PPP1CC: variants seen among roughly 807,000 people sequenced by gnomAD.
PPP1CC encodes the protein protein phosphatase 1 catalytic subunit gamma, also known as serine/threonine-protein phosphatase PP1-gamma catalytic subunit.
Under a neutral mutation model 38.4 loss-of-function variants are expected in PPP1CC, and 16 were observed. The observed-to-expected ratio is 0.42, with a 90% CI of 0.28 to 0.63. The LOEUF (loss-of-function observed/expected upper bound fraction) is 0.63, where lower values mean the gene tolerates loss of function less well. Among genes scored for constraint, PPP1CC ranks in the 30% least tolerant of loss-of-function variants. The pLI is 0.25. For synonymous variants in PPP1CC, 158 were observed against 136.0 expected (o/e 1.16, Z -1.13); for missense variants, 170 against 391.3 (o/e 0.43, Z 4.77).
intron 4 of PPP1CC, among the ~76,000 whole-genome samples, chr12:110,724,124 G>C (rs1025391704): frequency 1.3e-5 from 2 of 152,106 alleles, no homozygotes; most frequent in African/African-American, 4.8e-5. Context: ...TGCAGTCCCA[G>C]CTACTCAGGA....
chr12:110,730,479 T>C (rs990335019), intron 3 of PPP1CC, 50 bp downstream of exon 3: 7 of 1,355,082 alleles, frequency 5.2e-6, no homozygotes, highest in Middle Eastern at 2.2e-4. Context: ...TTGTTTATGA[T>C]AAATATCTTA....
rs1005251244 is a variant in PPP1CC, at chr12:110,721,130, G to A, written c.918C>T (p.Ala306=). The change falls in exon 7 of 7, where the codon GCC becomes GCT. Residue 306 remains alanine (A), a synonymous_variant. Transcript: ENST00000335007. ...CCCTTGGAGGCGTTACAGGTCTCGT[G>A]GCATTTGGCTTCTTTTTCTCTGCAG... ...LKPAEKKKPN[A]TRPVTPPRGM... The A allele has an allele frequency of 6.2e-7, 1 of 1,613,866 alleles. No homozygotes were observed. The highest frequency in any genetic ancestry group is 8.5e-7 in the Non-Finnish European group (1 of 1,179,822).
intron 1 of PPP1CC, among the ~76,000 whole-genome samples, chr12:110,733,932 A>T (rs1279327623): frequency 3.3e-5 from 5 of 152,222 alleles, no homozygotes; most frequent in Non-Finnish European, 5.9e-5. Flanking sequence ...AAAGTTATAT[A>T]AAGATAGAAA....
At position 110,742,788 on chromosome 12, in the gene PPP1CC, G is replaced by C. The variant is rs2070034423; in HGVS notation, c.-81C>G. 18 of 1,171,190 alleles carry C rather than the reference G, an allele frequency of 1.5e-5. No individual in the cohort carries two copies. Among genetic ancestry groups the C allele is most frequent in the Non-Finnish European group, 1.8e-5 (16 of 905,222 alleles). The allele number at this position is 1,171,190 out of a possible 1,614,324, so 72.5% of individuals were successfully genotyped here. On this transcript the variant is annotated 5_prime_UTR_variant, in exon 1 of 7. Coordinates refer to ENST00000335007, the MANE Select transcript of PPP1CC (RefSeq NM_002710.4). ...ACTCACACCTCCTTTCCCACGCCAC[G>C]AGCAGAGGCGGTGGTGGCGGCGGTG...
In PPP1CC at chr12:110,721,073, C is replaced by G. The variant is rs201899408; in HGVS notation, c.*3G>C. 2.2e-5 allele frequency: 36 copies of G among 1,613,456 alleles called. No individual in the cohort carries two copies. Among genetic ancestry groups the G allele is most frequent in the Non-Finnish European group, 3.1e-5 (36 of 1,179,410 alleles). ...TCCCGACTAGGCAGTGTCAAAACGA[C>G]ATCTATTTCTTTGCTTGCTTTGTGA... On this transcript the variant is annotated 3_prime_UTR_variant, in exon 7 of 7. Transcript: ENST00000335007.
Position 110,731,918 on chromosome 12 carries a change from G to A in PPP1CC, c.56-17C>T, listed in dbSNP as rs370380512. 2.9e-5 allele frequency: 47 copies of A among 1,609,136 alleles called. No individual in the cohort carries two copies. The highest frequency in any genetic ancestry group is 3.7e-5 in the Non-Finnish European group (44 of 1,176,642). On this transcript the variant is annotated splice_polypyrimidine_tract_variant and intron_variant, in intron 1 of 6. Transcript: ENST00000335007. ...ACCCTCTCACTGCAAGAGAAAAATC[G>A]CAATTAGTCCAATGAAGCCAAAATA...
Position 110,719,983 on chromosome 12 carries a change from T to A in PPP1CC, c.*1093A>T. ...GTACACGGTCATCTGTTGAAACAGATTTCTTTTTTAACAGATCTTAGTTTA... is the reference window on the plus strand; with the variant it reads ...GTACACGGTCATCTGTTGAAACAGAATTCTTTTTTAACAGATCTTAGTTTA... On this transcript the variant is annotated 3_prime_UTR_variant, in exon 7 of 7. Transcript: ENST00000335007. The A allele has an allele frequency of 3.1e-6, 2 of 637,028 alleles. No homozygotes were observed. Among genetic ancestry groups the A allele is most frequent in the Non-Finnish European group, 5.4e-6 (2 of 373,646 alleles). The allele number at this position is 637,028 out of a possible 1,614,324, so 39.5% of individuals were successfully genotyped here.
Position 110,730,770 on chromosome 12 carries a change from G to T in PPP1CC, c.188-11C>A, listed in dbSNP as rs753843993. The T allele has an allele frequency of 1.3e-6, 2 of 1,573,172 alleles. No homozygotes were observed. Among genetic ancestry groups the T allele is most frequent in the Admixed American group, 1.8e-5 (1 of 54,956 alleles). Reference sequence around the variant, plus strand: ...GTCCATGGATGTCACCTGGAAGCAAGAATTTTGTTACACAGTGTTCCCATA... The same window carrying T: ...GTCCATGGATGTCACCTGGAAGCAATAATTTTGTTACACAGTGTTCCCATA... On this transcript the variant is annotated splice_polypyrimidine_tract_variant and intron_variant, in intron 2 of 6. Transcript: ENST00000335007.
intron 4 of PPP1CC, among the ~76,000 whole-genome samples, chr12:110,723,636 A>G (rs1184105852): frequency 3.9e-5 from 6 of 152,070 alleles, no homozygotes; most frequent in African/African-American, 1.4e-4. Context: ...CAGCCTCCCA[A>G]ATAGCTACGG....
rs1415720952 is a variant in PPP1CC, at chr12:110,728,376, C to T, written c.418+2153G>A. On this transcript the variant is annotated intron_variant, in intron 3 of 6. Coordinates refer to ENST00000335007, the MANE Select transcript of PPP1CC (RefSeq NM_002710.4). ...ATCGCGCCCTGCACTCCAGCCTGGG[C>T]GACAGAGCGAGACTCCGTCTCAAAA... Among the ~76,000 whole-genome samples the T allele has an allele frequency of 4.3e-5, 6 of 140,326 alleles. No homozygotes were observed. The East Asian group carries it at 6.1e-4, about 14-fold the overall frequency. 92.1% of individuals were successfully genotyped at this position (140,326 alleles called of 152,430 possible).
chr12:110,712,724 T>C, the PPP1CC span, among the ~76,000 whole-genome samples: 5 of 150,034 alleles, frequency 3.3e-5, no homozygotes, highest in Admixed American at 6.7e-5. Context: ...GATGCTTTGT[T>C]CAAATCTGCA....
chr12:110,714,164 G>C, the PPP1CC span, among the ~76,000 whole-genome samples: 1 of 152,062 alleles, frequency 6.6e-6, no homozygotes, highest in Non-Finnish European at 1.5e-5. Flanking sequence ...CAAGATTATG[G>C]CTTCTAAAAA....
At position 110,724,728 on chromosome 12, in the gene PPP1CC, A is replaced by T. The variant is rs11558237; in HGVS notation, c.455T>A (p.Phe152Tyr). Residue 152 changes from phenylalanine (F) to tyrosine (Y), a missense_variant, in exon 4 of 7, where the codon TTC becomes TAC. Phe to Tyr is a conservative substitution (Grantham distance 22). Transcript: ENST00000335007. ...RRYNIKLWKTFTDCFNCLPIA... is the reference protein window; with the variant it reads ...RRYNIKLWKTYTDCFNCLPIA... ...CGGTAAACAGTTAAAACAGTCTGTG[A>T]AAGTTTTCCATAGTTTAATGTTGTA... The T allele has an allele frequency of 6.2e-7, 1 of 1,611,100 alleles. No homozygotes were observed. The highest frequency in any genetic ancestry group is 8.5e-7 in the Non-Finnish European group (1 of 1,177,324).
chr12:110,722,259 T>C lies in PPP1CC; in HGVS notation c.758A>G (p.Asp253Gly), dbSNP rs768613832. Reference sequence around the variant, plus strand: ...CCTCTTTGCAAAAAATTCATATCCATCTTCAACCACCTTGAAGAGAAAATT... The same window carrying C: ...CCTCTTTGCAAAAAATTCATATCCACCTTCAACCACCTTGAAGAGAAAATT... The part of the protein sequence containing the change: ...LICRAHQVVE[D>G]GYEFFAKRQL... The change falls in exon 6 of 7, where the codon GAT becomes GGT. Residue 253 changes from aspartate (D) to glycine (G), a missense_variant. By Grantham distance (94) the Asp-to-Gly change is moderately conservative (BLOSUM62 -1). Coordinates refer to ENST00000335007, the MANE Select transcript of PPP1CC (RefSeq NM_002710.4). The surrounding 1 kb of genome is among the most constrained non-coding windows in gnomAD (Gnocchi z 5.4). 1 of 1,613,896 alleles carries C rather than the reference T, an allele frequency of 6.2e-7. No individual in the cohort carries two copies. The highest frequency in any genetic ancestry group is 8.5e-7 in the Non-Finnish European group (1 of 1,179,924).
intron 1 of PPP1CC, chr12:110,732,654 A>G (rs1268978509): frequency 6.6e-6 from 1 of 152,256 alleles, no homozygotes; most frequent in Non-Finnish European, 1.5e-5. Context: ...AAAGGATGTC[A>G]GTCATGTGCT....
intron 1 of PPP1CC, chr12:110,735,059 TTC>T (rs929279227): frequency 6.6e-6 from 1 of 151,556 alleles, no homozygotes; most frequent in Non-Finnish European, 1.5e-5. Context: ...CACTATTTTT[TTC>T]TTTCTTTTTT....
intron 1 of PPP1CC, among the ~76,000 whole-genome samples, chr12:110,737,403 G>T (rs985044796): frequency 7.1e-6 from 1 of 140,762 alleles, no homozygotes; most frequent in African/African-American, 2.7e-5. Flanking sequence ...GAAATCGCTT[G>T]AACCTGGGTG....
In PPP1CC at chr12:110,723,418, C is replaced by T. The variant is rs549288451; in HGVS notation, c.524-723G>A. 3.4e-3 allele frequency among the ~76,000 whole-genome samples: 512 copies of T among 152,146 alleles called. 3 individuals are homozygous for T. The highest frequency in any genetic ancestry group is 0.01 in the Middle Eastern group (3 of 294). The stretch of plus-strand genomic sequence containing the variant: ...TTTTGATGGCTGATTAATTTCAGAC[C>T]ATACAGGAAAAGAAATTCTCTTTGC... On this transcript the variant is annotated intron_variant, in intron 4 of 6. Transcript: ENST00000335007.
At position 110,720,895 on chromosome 12, in the gene PPP1CC, GAA is replaced by G; in HGVS notation, c.*179_*180del. 3.9e-6 allele frequency: 2 copies of G among 510,690 alleles called. No homozygotes were observed. Among genetic ancestry groups the G allele is most frequent in the South Asian group, 5.8e-5 (2 of 34,246 alleles). The allele number at this position is 510,690 out of a possible 1,614,324, so 31.6% of individuals were successfully genotyped here. ...AACAAAACACTTTTCTTTTTGGAGT[GAA>G]GAGTCTTTCATTTGCTGTTATAACC... On this transcript the variant is annotated 3_prime_UTR_variant, in exon 7 of 7. Transcript: ENST00000335007.
Sources: gnomAD v4.1 joint callset for allele counts (sites outside exome capture counted in the v4.1 genomes callset) on GRCh38, gnomAD v4.1.1 for gene constraint, Gnocchi (gnomAD v3.1) non-coding constraint, MANE v1.5 for transcripts, NCBI Gene and HGNC (gene_info 2026-07-23, HGNC 2026-07-21) for gene names.